Variants in SAP30L observed in about 807,000 individuals in gnomAD.
SAP30L encodes the protein histone deacetylase complex subunit SAP30L.
In SAP30L, 10 loss-of-function variants were observed where a neutral mutation model predicts 22.3. The observed-to-expected ratio is 0.45, with a 90% CI of 0.28 to 0.76. The LOEUF is 0.76. Ranked by LOEUF, SAP30L falls within the 30% of genes least tolerant of loss-of-function variation. The probability of loss-of-function intolerance (pLI) is 0.14; values close to 1 mark genes in which losing one functional copy is unlikely to be tolerated. For missense variants in SAP30L, 206 were observed against 237.9 expected, an observed-to-expected ratio of 0.87 and a Z score of 0.88; for synonymous variants, 91 against 94.1, an observed-to-expected ratio of 0.97 and a Z score of 0.19.
At chr5:154,452,632 A>G (rs1757169062) in intron 2 of SAP30L, 1 of 231,330 alleles carries the variant, frequency 4.3e-6, no homozygotes, top group Non-Finnish European at 7.1e-6. Context: ...CCCCAGCCCT[A>G]ACCTGCTGGA....
chr5:154,453,621 A>G, intron 3 of SAP30L, 121 bp downstream of exon 3: 1 of 714,852 alleles, frequency 1.4e-6, no homozygotes, highest in East Asian at 2.6e-5. Context: ...TCTGGAAGCA[A>G]CTCTGTATTC....
Position 154,446,535 on chromosome 5 carries a change from C to T in SAP30L, c.-70C>T, listed in dbSNP as rs1757010124. The stretch of plus-strand genomic sequence containing the variant: ...CTGCGGGGGTCTCAGCGACCTGCCC[C>T]GCGGCAAGCGCGGCCGCGGAGTGGC... On this transcript the variant is annotated 5_prime_UTR_variant, in exon 1 of 4. Transcript: ENST00000297109. 4 of 1,292,174 alleles carry T rather than the reference C, an allele frequency of 3.1e-6. No homozygotes were observed. Among genetic ancestry groups the T allele is most frequent in the Non-Finnish European group, 4.0e-6 (4 of 992,770 alleles). 80.0% of individuals were successfully genotyped at this position (1,292,174 alleles called of 1,614,324 possible).
intron 1 of SAP30L, 31 bp downstream of exon 1, chr5:154,446,836 C>T (rs1582037533): frequency 6.4e-7 from 1 of 1,566,154 alleles, no homozygotes; most frequent in East Asian, 2.4e-5. Flanking sequence ...GTCTGGGCCC[C>T]GGCGCCCCCA....
Position 154,459,867 on chromosome 5 carries a change from A to AT in SAP30L, c.*3839_*3840insT, listed in dbSNP as rs1225550541. 5.9e-5 allele frequency: 9 copies of AT among 152,324 alleles called. No individual in the cohort carries two copies. In the South Asian group the frequency reaches 1.7e-3, roughly 28 times the overall value. The allele number at this position is 152,324 out of a possible 1,614,324, so 9.4% of individuals were successfully genotyped here. A position where few individuals can be genotyped will look rare whatever the true frequency, so the allele number is the denominator to read the frequency against. ...ACTTTGCACTGTTTTTGCTGAGAAA[A>AT]CAACGCTTCAGGACTTAAGGTCTAA... On this transcript the variant is annotated 3_prime_UTR_variant, in exon 4 of 4. Transcript: ENST00000297109.
chr5:154,446,196 C>G lies in SAP30L; in HGVS notation c.-409C>G, dbSNP rs914328665. 7.6e-5 allele frequency: 12 copies of G among 158,598 alleles called. No individual in the cohort carries two copies. The highest frequency in any genetic ancestry group is 1.2e-4 in the Non-Finnish European group (9 of 72,668). The allele number at this position is 158,598 out of a possible 1,614,324, so 9.8% of individuals were successfully genotyped here. ...CCCGGCAGCGAGTTTGCCCCGCTGC[C>G]GAAAGAAGGCGGGAGCCGGCAGGGG... On this transcript the variant is annotated 5_prime_UTR_variant, in exon 1 of 4. Coordinates refer to ENST00000297109, the MANE Select transcript of SAP30L (RefSeq NM_024632.6).
At chr5:154,451,835 C>A (rs1331466742) in intron 2 of SAP30L, among the ~76,000 whole-genome samples, 1 of 152,164 alleles carries the variant, frequency 6.6e-6, no homozygotes, top group African/African-American at 2.4e-5. Flanking sequence ...CAGCAGCATC[C>A]CCTCGTGAGA....
chr5:154,446,578 C>A lies in SAP30L; in HGVS notation c.-27C>A. On this transcript the variant is annotated 5_prime_UTR_variant, in exon 1 of 4. Coordinates refer to ENST00000297109, the MANE Select transcript of SAP30L (RefSeq NM_024632.6). ...GGAGTGGCCTACCGGGGACCCTCCC[C>A]CAGAGGGACCGGCCCGGGGCGGGGA... 1 of 1,442,482 alleles carries A rather than the reference C, an allele frequency of 6.9e-7. No individual in the cohort carries two copies. The highest frequency in any genetic ancestry group is 9.1e-7 in the Non-Finnish European group (1 of 1,102,294). 89.4% of individuals were successfully genotyped at this position (1,442,482 alleles called of 1,614,324 possible).
rs1188595813 is a variant in SAP30L, at chr5:154,459,168, T to C, written c.*3140T>C. 6.6e-6 allele frequency: 1 copy of C among 152,228 alleles called. No individual in the cohort carries two copies. The highest frequency in any genetic ancestry group is 6.5e-5 in the Admixed American group (1 of 15,284). The allele number at this position is 152,228 out of a possible 1,614,324, so 9.4% of individuals were successfully genotyped here. A position where few individuals can be genotyped will look rare whatever the true frequency, so the allele number is the denominator to read the frequency against. On this transcript the variant is annotated 3_prime_UTR_variant, in exon 4 of 4. Transcript: ENST00000297109. The stretch of plus-strand genomic sequence containing the variant: ...TGAGGGAGGCTGTTGCCCAGAGCAG[T>C]TGCTTCATGGAAGTCATCCAAAGGC...
chr5:154,455,225 A>G (rs1187620096), intron 3 of SAP30L, among the ~76,000 whole-genome samples: 1 of 151,642 alleles, frequency 6.6e-6, no homozygotes, highest in Non-Finnish European at 1.5e-5. Context: ...GCCTAACCCA[A>G]TTTTTATTTG....
rs1224533358 is a variant in SAP30L at position 154,460,920 on chromosome 5, A to G, written c.*4892A>G. On this transcript the variant is annotated 3_prime_UTR_variant, in exon 4 of 4. Transcript: ENST00000297109. ...CATTTGTATTTTAACTTCGTAATCT[A>G]TGGCTCTGTACTGTTGAAAGGCTCT... 1 of 152,076 alleles carries G rather than the reference A, an allele frequency of 6.6e-6. No homozygotes were observed. Among genetic ancestry groups the G allele is most frequent in the Non-Finnish European group, 1.5e-5 (1 of 68,042 alleles). The allele number at this position is 152,076 out of a possible 1,614,324, so 9.4% of individuals were successfully genotyped here. A position where few individuals can be genotyped will look rare whatever the true frequency, so the allele number is the denominator to read the frequency against.
At position 154,458,374 on chromosome 5, in the gene SAP30L, C is replaced by T. The variant is rs1757306686; in HGVS notation, c.*2346C>T. On this transcript the variant is annotated 3_prime_UTR_variant, in exon 4 of 4. Coordinates refer to ENST00000297109, the MANE Select transcript of SAP30L (RefSeq NM_024632.6). Reference sequence around the variant, plus strand: ...GTTCTTTCATCAAACCACTAAACCACTCGCCTTAGCCTCTTCTGCAGTTTC... The same window carrying T: ...GTTCTTTCATCAAACCACTAAACCATTCGCCTTAGCCTCTTCTGCAGTTTC... 6.6e-6 allele frequency: 1 copy of T among 152,256 alleles called. No individual in the cohort carries two copies. The highest frequency in any genetic ancestry group is 6.5e-5 in the Admixed American group (1 of 15,288). 9.4% of individuals were successfully genotyped at this position (152,256 alleles called of 1,614,324 possible). A position where few individuals can be genotyped will look rare whatever the true frequency, so the allele number is the denominator to read the frequency against.
At chr5:154,452,920 TCCC>T (rs890528026) in intron 2 of SAP30L, among the ~76,000 whole-genome samples, 6 of 151,824 alleles carry the variant, frequency 4.0e-5, no homozygotes, top group African/African-American at 1.5e-4. Context: ...TCCCTCCGTA[TCCC>T]CCCATCAGTC....
chr5:154,446,894 C>T, intron 1 of SAP30L, 89 bp downstream of exon 1: 2 of 1,174,666 alleles, frequency 1.7e-6, no homozygotes, highest in South Asian at 2.8e-5. Context: ...CCCGGGCACT[C>T]CCCGCCGTGG....
rs1757012477 is a variant in SAP30L at position 154,446,589 on chromosome 5, G to A, written c.-16G>A. 1.4e-6 allele frequency: 2 copies of A among 1,458,816 alleles called. No individual in the cohort carries two copies. The highest frequency in any genetic ancestry group is 1.5e-5 in the African/African-American group (1 of 67,396). 90.4% of individuals were successfully genotyped at this position (1,458,816 alleles called of 1,614,324 possible). ...CCGGGGACCCTCCCCCAGAGGGACC[G>A]GCCCGGGGCGGGGAGATGAACGGCT... On this transcript the variant is annotated 5_prime_UTR_variant, in exon 1 of 4. Coordinates refer to ENST00000297109, the MANE Select transcript of SAP30L (RefSeq NM_024632.6).
At position 154,446,374 on chromosome 5, in the gene SAP30L, C is replaced by G; in HGVS notation, c.-231C>G. ...ACCCCCGGCGGGGCCCTGCGAGCCGCGGGAGCCGACCCCGGGGCCTCGAGC... is the reference window on the plus strand; with the variant it reads ...ACCCCCGGCGGGGCCCTGCGAGCCGGGGGAGCCGACCCCGGGGCCTCGAGC... On this transcript the variant is annotated 5_prime_UTR_variant, in exon 1 of 4. Coordinates refer to ENST00000297109, the MANE Select transcript of SAP30L (RefSeq NM_024632.6). 1 of 394,494 alleles carries G rather than the reference C, an allele frequency of 2.5e-6. No homozygotes were observed. The highest frequency in any genetic ancestry group is 3.9e-5 in the East Asian group (1 of 25,860). The allele number at this position is 394,494 out of a possible 1,614,324, so 24.4% of individuals were successfully genotyped here.
intron 2 of SAP30L, among the ~76,000 whole-genome samples, chr5:154,452,796 C>T (rs1330995993): frequency 1.3e-5 from 2 of 152,210 alleles, no homozygotes; most frequent in Admixed American, 6.5e-5. Flanking sequence ...GCCTATCATC[C>T]TCCAGGATGT....
At position 154,446,042 on chromosome 5, in the gene SAP30L, T is replaced by A. The variant is rs1446683200; in HGVS notation, c.-563T>A. ...GGCGGCGGCCGGGCGGCCCAGGGGCTGCCGCGGGACTCGGGGCGCAGCCGA... is the reference window on the plus strand; with the variant it reads ...GGCGGCGGCCGGGCGGCCCAGGGGCAGCCGCGGGACTCGGGGCGCAGCCGA... On this transcript the variant is annotated 5_prime_UTR_variant, in exon 1 of 4. Transcript: ENST00000297109. The A allele has an allele frequency of 6.6e-6, 1 of 151,672 alleles. No homozygotes were observed. Among genetic ancestry groups the A allele is most frequent in the African/African-American group, 2.4e-5 (1 of 41,248 alleles). The allele number at this position is 151,672 out of a possible 1,614,324, so 9.4% of individuals were successfully genotyped here.
intron 1 of SAP30L, 28 bp downstream of exon 1, chr5:154,446,833 C>A: frequency 1.3e-6 from 2 of 1,566,358 alleles, no homozygotes; most frequent in Non-Finnish European, 1.7e-6. Flanking sequence ...CGCGTCTGGG[C>A]CCCGGCGCCC....
chr5:154,449,889 C>T (rs1020564423), intron 1 of SAP30L, among the ~76,000 whole-genome samples: 2 of 152,186 alleles, frequency 1.3e-5, no homozygotes, highest in African/African-American at 4.8e-5. Context: ...GACACCATCA[C>T]AGTATAAACT....
Sources: allele counts gnomAD v4.1 joint callset (sites outside exome capture counted in the v4.1 genomes callset), GRCh38; gene constraint gnomAD v4.1.1; transcripts MANE v1.5; gene names NCBI Gene and HGNC (gene_info 2026-07-23, HGNC 2026-07-21).